Variants in MYO9A observed in about 807,000 individuals in gnomAD.
The protein encoded by MYO9A is unconventional myosin-IXa.
In MYO9A, 103 loss-of-function variants were observed where a neutral mutation model predicts 293.3. That is an observed-to-expected ratio of 0.35 (90% CI 0.30 to 0.41). The LOEUF (loss-of-function observed/expected upper bound fraction) is 0.41, where lower values mean the gene tolerates loss of function less well. Ranked by LOEUF, MYO9A falls within the 10% of genes least tolerant of loss-of-function variation. The pLI, the probability that MYO9A is intolerant of heterozygous loss-of-function variation, is 1.00. For synonymous variants in MYO9A, 1,001 were observed against 1,035.7 expected (o/e 0.97, Z 0.64); for missense variants, 2,685 against 3,033.0 (o/e 0.89, Z 2.69).
intron 32 of MYO9A, among the ~76,000 whole-genome samples, chr15:71,862,916 T>G (rs1395248684): frequency 2.0e-5 from 3 of 146,522 alleles, no homozygotes; most frequent in African/African-American, 7.7e-5. Flanking sequence ...ATGTTTTCTT[T>G]TTCTTTTTTT....
intron 39 of MYO9A, among the ~76,000 whole-genome samples, chr15:71,840,244 A>T (rs1488202918): frequency 6.6e-6 from 1 of 152,220 alleles, no homozygotes; most frequent in African/African-American, 2.4e-5. Flanking sequence ...ACAGGCATAA[A>T]ACTTCTAAGG....
intron 14 of MYO9A, 40 bp downstream of exon 14, chr15:71,959,861 A>AAG (rs760374116): frequency 6.6e-7 from 1 of 1,517,296 alleles, no homozygotes; most frequent in East Asian, 2.4e-5. Flanking sequence ...AAAAAAAAAA[A>AAG]AAGATGAAGT....
chr15:71,900,824 T>C (rs1483081725), intron 23 of MYO9A, among the ~76,000 whole-genome samples: 1 of 152,100 alleles, frequency 6.6e-6, no homozygotes, highest in African/African-American at 2.4e-5. Flanking sequence ...GTACCTATCA[T>C]CCAAAATGAG....
At chr15:72,079,112 CCACA>C (rs1218718441) in intron 1 of MYO9A, among the ~76,000 whole-genome samples, 32 of 152,096 alleles carry the variant, frequency 2.1e-4, no homozygotes, top group Non-Finnish European at 1.2e-4. Context: ...AAACTACAGA[CCACA>C]AATAGTAACG....
At position 72,078,033 on chromosome 15, in the gene MYO9A, A is replaced by G. The variant is rs564665492; in HGVS notation, c.-71-31399T>C. Among the ~76,000 whole-genome samples, 237 of 152,266 alleles carry G rather than the reference A, an allele frequency of 1.6e-3. 1 individual carries two copies. Among genetic ancestry groups the G allele is most frequent in the Non-Finnish European group, 2.0e-3 (139 of 68,014 alleles). ...TGAAACAATGACAAAACCAAATGCT[A>G]GTAAGAATGTGGAATTACAGGAACT... On this transcript the variant is annotated intron_variant, in intron 1 of 41. Transcript: ENST00000356056.
chr15:72,087,131 A>T (rs945857334), intron 1 of MYO9A, among the ~76,000 whole-genome samples: 21 of 152,184 alleles, frequency 1.4e-4, no homozygotes, highest in African/African-American at 5.1e-4. Flanking sequence ...CCCAGGAGCT[A>T]TGATGCAGGT....
At position 71,899,809 on chromosome 15, in the gene MYO9A, G is replaced by T; in HGVS notation, c.3348C>A (p.His1116Gln). Residue 1116 changes from histidine (H) to glutamine (Q), a missense_variant, in exon 24 of 42, where the codon CAC (histidine) becomes CAA (glutamine). By Grantham distance (24) the His-to-Gln change is conservative. This residue lies in a region of MYO9A where 1,434 missense variants were observed against 1,497.7 expected (regional missense o/e 0.96). Coordinates refer to ENST00000356056, the MANE Select transcript of MYO9A (RefSeq NM_006901.4). ...QKWRDYYRRR[H>Q]MAAICIQARW... ...TTGCTTGTATGCAAATAGCAGCCAT[G>T]TGCCTGCGCCTATAGTAATCTCTCC... is the stretch of plus-strand genomic sequence containing the variant. The T allele has an allele frequency of 6.2e-7, 1 of 1,614,120 alleles. No homozygotes were observed. Among genetic ancestry groups the T allele is most frequent in the Non-Finnish European group, 8.5e-7 (1 of 1,180,028 alleles).
chr15:72,065,013 C>A (rs1434970575), intron 1 of MYO9A, among the ~76,000 whole-genome samples: 1 of 152,096 alleles, frequency 6.6e-6, no homozygotes, highest in Non-Finnish European at 1.5e-5. Flanking sequence ...ACAAGAGAAT[C>A]CAGAAACAGG....
At chr15:72,080,307 C>CT (rs374292426) in intron 1 of MYO9A, among the ~76,000 whole-genome samples, 38,313 of 127,242 alleles carry the variant, frequency 0.3, 5,609 homozygotes, top group East Asian at 0.43. Flanking sequence ...CCATGCTTCT[C>CT]TTTTTTTTTT....
At chr15:71,892,082 T>C (rs369824740) in intron 26 of MYO9A, 17 of 152,352 alleles carry the variant, frequency 1.1e-4, no homozygotes, top group East Asian at 1.9e-4. Flanking sequence ...CTTTATCTTA[T>C]ATATTTCTAG....
intron 9 of MYO9A, among the ~76,000 whole-genome samples, chr15:71,998,635 A>G (rs752682739): frequency 3.5e-5 from 5 of 142,188 alleles, no homozygotes; most frequent in Admixed American, 7.5e-5. Context: ...TGTGCAGGTT[A>G]GTTACATATG....
chr15:71,899,176 C>A (rs1839136740), intron 24 of MYO9A, 144 bp from the exon 25 acceptor site: 1 of 741,302 alleles, frequency 1.3e-6, no homozygotes, highest in African/African-American at 1.8e-5. Flanking sequence ...CTTGAATGCA[C>A]ATTTCATAAT....
At position 72,046,652 on chromosome 15, in the gene MYO9A, C is replaced by A. The variant is rs1265148377; in HGVS notation, c.-71-18G>T. 1.4e-6 allele frequency: 2 copies of A among 1,432,470 alleles called. No individual in the cohort carries two copies. The highest frequency in any genetic ancestry group is 2.4e-5 in the Admixed American group (1 of 42,334). The allele number at this position is 1,432,470 out of a possible 1,614,324, so 88.7% of individuals were successfully genotyped here. A position where few individuals can be genotyped will look rare whatever the true frequency, so the allele number is the denominator to read the frequency against. On this transcript the variant is annotated intron_variant, in intron 1 of 41. Coordinates refer to ENST00000356056, the MANE Select transcript of MYO9A (RefSeq NM_006901.4). ...TAAAATAACTGTAACATAAAAGATGCAAAATATTTAGAAGTAAATACACAT... is the reference window on the plus strand; with the variant it reads ...TAAAATAACTGTAACATAAAAGATGAAAAATATTTAGAAGTAAATACACAT...
At position 72,053,157 on chromosome 15, in the gene MYO9A, T is replaced by C. The variant is rs915415046; in HGVS notation, c.-71-6523A>G. 1.5e-4 allele frequency among the ~76,000 whole-genome samples: 23 copies of C among 152,226 alleles called. No individual in the cohort carries two copies. The East Asian group carries it at 4.4e-3, about 29-fold the overall frequency. On this transcript the variant is annotated intron_variant, in intron 1 of 41. Coordinates refer to ENST00000356056, the MANE Select transcript of MYO9A (RefSeq NM_006901.4). ...GCTCACGCCTATAATCCCAGCACTT[T>C]GGGAGGCCAAGGCAGGCGGATCACT...
rs555281436 is a variant in MYO9A, at chr15:71,973,896, C to T, written c.1844+4275G>A. ...GCACAAAATGCCAATAAGAACTGTT[C>T]TTTTTGTCAGCAAGAGAGTCTGAGA... On this transcript the variant is annotated intron_variant, in intron 12 of 41. Transcript: ENST00000356056. 2.0e-5 allele frequency among the ~76,000 whole-genome samples: 3 copies of T among 152,250 alleles called. No homozygotes were observed. In the South Asian group the frequency reaches 6.2e-4, roughly 32 times the overall value.
chr15:72,007,163 T>C (rs1306804541), intron 8 of MYO9A, among the ~76,000 whole-genome samples: 1 of 152,162 alleles, frequency 6.6e-6, no homozygotes, highest in African/African-American at 2.4e-5. Flanking sequence ...GGTTAGTATA[T>C]ACACACATAT....
intron 16 of MYO9A, among the ~76,000 whole-genome samples, chr15:71,936,977 A>G (rs201011469): frequency 7.1e-6 from 1 of 141,228 alleles, no homozygotes; most frequent in East Asian, 2.4e-4. Flanking sequence ...GAGAGGAGAG[A>G]GTGAGAGGAA....
intron 40 of MYO9A, among the ~76,000 whole-genome samples, chr15:71,829,079 G>A (rs1410518521): frequency 6.6e-6 from 1 of 152,094 alleles, no homozygotes; most frequent in Non-Finnish European, 1.5e-5. Flanking sequence ...TCTTTTTCTA[G>A]AGACTCTCCC....
At chr15:72,034,471 A>T (rs2077979607) in intron 2 of MYO9A, among the ~76,000 whole-genome samples, 1 of 152,230 alleles carries the variant, frequency 6.6e-6, no homozygotes, top group African/African-American at 2.4e-5. Context: ...TTTAGATTAT[A>T]CTGTATCTTA....
Sources: gnomAD v4.1 joint callset for allele counts (sites outside exome capture counted in the v4.1 genomes callset) on GRCh38, gnomAD v4.1.1 for gene constraint, gnomAD v4.1.1 regional missense constraint, MANE v1.5 for transcripts, NCBI Gene and HGNC (gene_info 2026-07-23, HGNC 2026-07-21) for gene names.